Variants in PPP6R3 observed in about 807,000 individuals in gnomAD.
The protein encoded by PPP6R3 is serine/threonine-protein phosphatase 6 regulatory subunit 3.
PPP6R3 carries 38 observed loss-of-function variants against 110.7 expected under a neutral mutation model. The observed-to-expected ratio is 0.34, with a 90% CI of 0.26 to 0.45. The LOEUF (loss-of-function observed/expected upper bound fraction) is 0.45. Among genes scored for constraint, PPP6R3 ranks in the 20% least tolerant of loss-of-function variants. The pLI, the probability that PPP6R3 is intolerant of heterozygous loss-of-function variation, is 1.00. For missense variants in PPP6R3, 870 were observed against 1,062.4 expected, an observed-to-expected ratio of 0.82 and a Z score of 2.52; for synonymous variants, 369 against 373.5, an observed-to-expected ratio of 0.99 and a Z score of 0.14.
chr11:68,493,904 C>G, intron 1 of PPP6R3, among the ~76,000 whole-genome samples: 1 of 150,520 alleles, frequency 6.6e-6, no homozygotes, highest in Admixed American at 6.6e-5. Context: ...AGATCAAGAC[C>G]AATTTGGCTA....
intron 11 of PPP6R3, 33 bp downstream of exon 11, chr11:68,569,930 C>T: frequency 6.3e-7 from 1 of 1,582,482 alleles, no homozygotes; most frequent in Non-Finnish European, 8.6e-7. Context: ...TTCTCCCACT[C>T]TCTCCTGGTT....
At chr11:68,555,533 C>T (rs181163862) in intron 7 of PPP6R3, among the ~76,000 whole-genome samples, 28 of 152,304 alleles carry the variant, frequency 1.8e-4, no homozygotes, top group Non-Finnish European at 3.7e-4. Context: ...GAATGGCTCC[C>T]ATAGTAGACA....
At chr11:68,529,233 T>C (rs866100867) in intron 2 of PPP6R3, among the ~76,000 whole-genome samples, 8 of 152,312 alleles carry the variant, frequency 5.3e-5, no homozygotes, top group South Asian at 4.1e-4. Context: ...TGTGTGTGTT[T>C]TTCCAGATGG....
At chr11:68,491,404 C>T (rs1023515636) in intron 1 of PPP6R3, among the ~76,000 whole-genome samples, 7 of 150,348 alleles carry the variant, frequency 4.7e-5, no homozygotes, top group Non-Finnish European at 8.9e-5. Flanking sequence ...TGCTCTGTTG[C>T]CCAGGCTGGA....
chr11:68,582,677 G>A (rs2099563668), intron 14 of PPP6R3, among the ~76,000 whole-genome samples: 1 of 152,250 alleles, frequency 6.6e-6, no homozygotes, highest in Non-Finnish European at 1.5e-5. Flanking sequence ...CCCGTACATA[G>A]AAAGGGTTTC....
intron 2 of PPP6R3, among the ~76,000 whole-genome samples, chr11:68,524,431 G>C: frequency 6.6e-6 from 1 of 152,102 alleles, no homozygotes; most frequent in South Asian, 2.1e-4. Context: ...TTCCTGGTGT[G>C]ACGTGATGTG....
At chr11:68,468,436 CTG>C (rs1678750941) in intron 1 of PPP6R3, among the ~76,000 whole-genome samples, 1 of 152,220 alleles carries the variant, frequency 6.6e-6, no homozygotes, top group Admixed American at 6.5e-5. Context: ...AAACAACACT[CTG>C]TGAATGACTG....
At chr11:68,546,442 A>G (rs1203691817) in intron 4 of PPP6R3, among the ~76,000 whole-genome samples, 1 of 152,230 alleles carries the variant, frequency 6.6e-6, no homozygotes, top group Non-Finnish European at 1.5e-5. Context: ...GAATACACTT[A>G]AAACCTTGCC....
intron 1 of PPP6R3, among the ~76,000 whole-genome samples, chr11:68,505,480 A>G (rs1028210645): frequency 6.6e-6 from 1 of 152,032 alleles, no homozygotes; most frequent in Non-Finnish European, 1.5e-5. Flanking sequence ...AAATTGAATT[A>G]TTGTTTTTTA....
chr11:68,603,343 G>T lies in PPP6R3; in HGVS notation c.2301G>T (p.Ala767=), dbSNP rs764570620. The change falls in exon 22 of 24, where the codon GCG becomes GCT. Residue 767 remains alanine (A), a splice_region_variant and synonymous_variant. Coordinates refer to ENST00000393800, the MANE Select transcript of PPP6R3 (RefSeq NM_001164161.2). ...SAAALAVQPE[A]AGSVAMEASS... The stretch of plus-strand genomic sequence containing the variant: ...GACCATCAGCTGTGTTCTTTTCAGC[G>T]GCAGGCAGTGTGGCCATGGAAGCCA... 1 of 1,613,634 alleles carries T rather than the reference G, an allele frequency of 6.2e-7. No individual in the cohort carries two copies. Among genetic ancestry groups the T allele is most frequent in the South Asian group, 1.1e-5 (1 of 91,022 alleles).
chr11:68,541,151 G>A (rs555443633), intron 3 of PPP6R3, among the ~76,000 whole-genome samples: 1 of 152,298 alleles, frequency 6.6e-6, no homozygotes, highest in East Asian at 1.9e-4. Flanking sequence ...TTAATTTGGG[G>A]AACTAATAAA....
At chr11:68,596,242 C>T (rs751460763) in intron 19 of PPP6R3, 24 bp downstream of exon 19, 5 of 1,613,934 alleles carry the variant, frequency 3.1e-6, no homozygotes, top group Non-Finnish European at 4.2e-6. Flanking sequence ...TTCTTCAGAT[C>T]AGCTGCCCTG....
intron 4 of PPP6R3, among the ~76,000 whole-genome samples, chr11:68,545,866 G>C (rs1040781125): frequency 6.6e-6 from 1 of 152,240 alleles, no homozygotes; most frequent in Non-Finnish European, 1.5e-5. Flanking sequence ...GGAACAACTA[G>C]AGCCTCAGAT....
chr11:68,599,852 G>A (rs546016132), intron 19 of PPP6R3, among the ~76,000 whole-genome samples: 10 of 151,826 alleles, frequency 6.6e-5, no homozygotes, highest in East Asian at 2.0e-4. Flanking sequence ...GGCCAGGCGC[G>A]GTGGCTCACG....
At chr11:68,545,054 T>C (rs764242006) in intron 4 of PPP6R3, 30 bp downstream of exon 4, 1 of 1,525,744 alleles carries the variant, frequency 6.6e-7, no homozygotes, top group Non-Finnish European at 9.0e-7. Context: ...AGGTAAGTAT[T>C]AGGGCTGATC....
At chr11:68,562,094 T>C (rs1593182450) in intron 8 of PPP6R3, among the ~76,000 whole-genome samples, 1 of 152,178 alleles carries the variant, frequency 6.6e-6, no homozygotes, top group South Asian at 2.1e-4. Flanking sequence ...CAAATACATT[T>C]AGCAAGATTG....
intron 1 of PPP6R3, among the ~76,000 whole-genome samples, chr11:68,477,741 A>AAAAAAAAAAATATATAT: frequency 5.5e-4 from 32 of 57,890 alleles, no homozygotes; most frequent in African/African-American, 2.3e-3. Context: ...AAAAAAAAAA[A>AAAAAAAAAAATATATAT]ATATATATAT....
chr11:68,511,463 A>AGTGTGTGTGTGTGTGTGTGTGT (rs111457206), intron 1 of PPP6R3, among the ~76,000 whole-genome samples: 8,914 of 138,246 alleles, frequency 0.064, 379 homozygotes, highest in Middle Eastern at 0.1. Flanking sequence ...ACTGTGTTAG[A>AGTGTGTGTGTGTGTGTGTGTGT]GTGTGTGTGT....
Position 68,609,769 on chromosome 11 carries a change from C to T in PPP6R3, c.2451-135C>T, listed in dbSNP as rs181147825. 441 of 1,541,166 alleles carry T rather than the reference C, an allele frequency of 2.9e-4. 2 individuals are homozygous for T. The highest frequency in any genetic ancestry group is 1.7e-3 in the Middle Eastern group (10 of 5,886). On this transcript the variant is annotated intron_variant, in intron 22 of 23. Transcript: ENST00000393800. Reference sequence around the variant, plus strand: ...TGTGGTTGTGTGATCGTGCACCCTGCGCATGCTCAGTCCCAGGATGCTTTG... The same window carrying T: ...TGTGGTTGTGTGATCGTGCACCCTGTGCATGCTCAGTCCCAGGATGCTTTG...
Sources: allele counts gnomAD v4.1 joint callset (sites outside exome capture counted in the v4.1 genomes callset), GRCh38; gene constraint gnomAD v4.1.1; transcripts MANE v1.5; gene names NCBI Gene and HGNC (gene_info 2026-07-23, HGNC 2026-07-21).